NUP62CL: variants seen among roughly 807,000 people sequenced by gnomAD.
The protein encoded by NUP62CL is nucleoporin 62 C-terminal like, also known as nucleoporin-62 C-terminal-like protein.
In NUP62CL, 13 loss-of-function variants were observed where a neutral mutation model predicts 15.3. That is an observed-to-expected ratio of 0.85 (90% CI 0.55 to 1.35). The LOEUF is 1.35. NUP62CL is among the 40% of genes most tolerant of loss of function. NUP62CL has a pLI of 0.00. For synonymous variants in NUP62CL, 54 were observed against 49.2 expected (o/e 1.10, Z -0.41); for missense variants, 123 against 130.6 (o/e 0.94, Z 0.28).
At chrX:107,175,494 C>T (rs1025406675) in intron 2 of NUP62CL, among the ~76,000 whole-genome samples, 4 of 111,926 alleles carry the variant, frequency 3.6e-5, no homozygotes, top group African/African-American at 1.3e-4. Flanking sequence ...GTCCCATGGA[C>T]CTGTTCCCAA....
At chrX:107,146,977 G>A (rs1925897247) in intron 8 of NUP62CL, among the ~76,000 whole-genome samples, 1 of 111,374 alleles carries the variant, frequency 9.0e-6, no homozygotes, top group African/African-American at 3.3e-5. Flanking sequence ...GGATATGTCT[G>A]TCATTGCTTC....
chrX:107,205,123 ATATT>A (rs1186472757), intron 1 of NUP62CL, among the ~76,000 whole-genome samples: 1 of 111,164 alleles, frequency 9.0e-6, no homozygotes, highest in Non-Finnish European at 1.9e-5. Flanking sequence ...TGTCGGTTAT[ATATT>A]GTCTACATGT....
intron 2 of NUP62CL, among the ~76,000 whole-genome samples, chrX:107,180,859 T>C (rs1403629794): frequency 1.8e-5 from 2 of 110,277 alleles, no homozygotes; most frequent in African/African-American, 6.6e-5. Flanking sequence ...ACTCCAGAAA[T>C]ATTATTTACA....
chrX:107,204,284 A>G (rs1372196981), intron 1 of NUP62CL, among the ~76,000 whole-genome samples: 1 of 111,346 alleles, frequency 9.0e-6, no homozygotes, highest in East Asian at 2.8e-4. Flanking sequence ...AGATCCACTT[A>G]CTGACAGCAC....
chrX:107,141,517 T>C (rs1189253980), intron 8 of NUP62CL, among the ~76,000 whole-genome samples: 1 of 111,846 alleles, frequency 8.9e-6, no homozygotes, highest in Admixed American at 9.5e-5. Context: ...ACTTTTCAAG[T>C]AGGTGAAGTG....
At chrX:107,190,579 T>C (rs1166513825) in intron 2 of NUP62CL, among the ~76,000 whole-genome samples, 1 of 111,712 alleles carries the variant, frequency 9.0e-6, no homozygotes. Flanking sequence ...TCAATAACAC[T>C]AACCTCCAAC....
rs747629524 is a variant in NUP62CL, at chrX:107,167,778, G to A, written c.65C>T (p.Thr22Ile). The A allele has an allele frequency of 8.4e-6, 10 of 1,187,491 alleles. No homozygotes were observed. In the South Asian group the frequency reaches 1.5e-4, roughly 17 times the overall value. Residue 22 changes from threonine to isoleucine, a missense_variant, in exon 4 of 9, where the codon ACT becomes ATT. Physicochemically the swap from Thr to Ile is moderately conservative, Grantham distance 89. Coordinates refer to ENST00000372466, the MANE Select transcript of NUP62CL (RefSeq NM_017681.3). ...GAAAGTGGCGGTGGTAGTCGTTGAA[G>A]TTGTAACTGGAAAATAAAGTGTATA... The part of the protein sequence containing the change: ...STAAIGLSFT[T>I]STTTTATFTT...
At chrX:107,180,483 A>T (rs1926889939) in intron 2 of NUP62CL, among the ~76,000 whole-genome samples, 1 of 112,004 alleles carries the variant, frequency 8.9e-6, no homozygotes, top group African/African-American at 3.2e-5. Flanking sequence ...ACTGAGGAAA[A>T]ACATACTGAA....
At chrX:107,137,632 A>C (rs948387166) in intron 8 of NUP62CL, among the ~76,000 whole-genome samples, 1 of 111,714 alleles carries the variant, frequency 9.0e-6, no homozygotes, top group African/African-American at 3.3e-5. Context: ...AATCACTACA[A>C]AGTAATAAAA....
chrX:107,126,309 A>G (rs773626576), intron 8 of NUP62CL, among the ~76,000 whole-genome samples: 19 of 112,302 alleles, frequency 1.7e-4, no homozygotes, highest in African/African-American at 5.8e-4. Context: ...GCAATTCTCC[A>G]CAAGTTGATC....
intron 1 of NUP62CL, among the ~76,000 whole-genome samples, chrX:107,205,786 C>T (rs1208930558): frequency 1.8e-5 from 2 of 110,849 alleles, no homozygotes; most frequent in Non-Finnish European, 3.8e-5. Flanking sequence ...ACCAGATTCC[C>T]TAGCAGTGGC....
chrX:107,182,217 T>C (rs1409400067), intron 2 of NUP62CL, among the ~76,000 whole-genome samples: 1 of 112,135 alleles, frequency 8.9e-6, no homozygotes, highest in African/African-American at 3.3e-5. Flanking sequence ...TTGTTCGACA[T>C]TACCAAATAA....
intron 2 of NUP62CL, among the ~76,000 whole-genome samples, chrX:107,178,023 A>G (rs570745862): frequency 6.2e-5 from 7 of 112,188 alleles, no homozygotes; most frequent in African/African-American, 2.3e-4. Flanking sequence ...TACTTGCCAT[A>G]AAAGGAAAAG....
At chrX:107,189,877 AAAAGAAAGAAAG>A (rs55670914) in intron 2 of NUP62CL, among the ~76,000 whole-genome samples, 933 of 55,978 alleles carry the variant, frequency 0.017, 16 homozygotes, top group Middle Eastern at 0.026. Context: ...AAAAAGAAAG[AAAAGAAAGAAAG>A]AAAGAAAGAA....
At position 107,164,188 on chromosome X, in the gene NUP62CL, T is replaced by C. The variant is rs1277076835; in HGVS notation, c.194+3461A>G. Among the ~76,000 whole-genome samples, 4 of 111,386 alleles carry C rather than the reference T, an allele frequency of 3.6e-5. 1 individual carries two copies. Among genetic ancestry groups the C allele is most frequent in the Non-Finnish European group, 7.5e-5 (4 of 53,031 alleles). On this transcript the variant is annotated intron_variant, in intron 4 of 8. Coordinates refer to ENST00000372466, the MANE Select transcript of NUP62CL (RefSeq NM_017681.3). ...ACAATGGGATCAAAGTAGCGATCAATACAGAAAAAACAACAAGAAAATCTC... is the reference window on the plus strand; with the variant it reads ...ACAATGGGATCAAAGTAGCGATCAACACAGAAAAAACAACAAGAAAATCTC...
chrX:107,127,141 AC>A (rs750056744), intron 8 of NUP62CL, among the ~76,000 whole-genome samples: 10 of 112,315 alleles, frequency 8.9e-5, no homozygotes, highest in Non-Finnish European at 1.7e-4. Context: ...AAGTACTGAT[AC>A]ATGTTACAAC....
intron 8 of NUP62CL, among the ~76,000 whole-genome samples, chrX:107,140,331 A>C (rs185117057): frequency 1.8e-5 from 2 of 111,468 alleles, no homozygotes; most frequent in East Asian, 5.6e-4. Flanking sequence ...TTCTTCCTTT[A>C]CCATACCCCT....
At chrX:107,157,347 T>A (rs1288714106) in intron 4 of NUP62CL, among the ~76,000 whole-genome samples, 44 of 107,569 alleles carry the variant, frequency 4.1e-4, no homozygotes, top group Non-Finnish European at 2.9e-4. Context: ...AAAGTTGAAA[T>A]GAAGGAAAAA....
At chrX:107,198,814 G>A (rs745952095) in intron 1 of NUP62CL, among the ~76,000 whole-genome samples, 3 of 112,054 alleles carry the variant, frequency 2.7e-5, no homozygotes, top group South Asian at 3.8e-4. Flanking sequence ...TACTCACCGC[G>A]AGGGTCCGCA....
Sources: gnomAD v4.1 joint callset for allele counts (sites outside exome capture counted in the v4.1 genomes callset) on GRCh38, gnomAD v4.1.1 for gene constraint, MANE v1.5 for transcripts, NCBI Gene and HGNC (gene_info 2026-07-23, HGNC 2026-07-21) for gene names.